SLC8A1: variants seen among roughly 807,000 people sequenced by gnomAD.
SLC8A1 encodes sodium/calcium exchanger 1.
In SLC8A1, 18 loss-of-function variants were observed where a neutral mutation model predicts 68.3. That is an observed-to-expected ratio of 0.26 (90% CI 0.18 to 0.39). The LOEUF is 0.39. SLC8A1 is among the 10% of genes least tolerant of loss of function. SLC8A1 has a pLI of 1.00. For synonymous variants in SLC8A1, 475 were observed against 415.5 expected (o/e 1.14, Z -1.74); for missense variants, 985 against 1,156.7 (o/e 0.85, Z 2.15).
intron 1 of SLC8A1, among the ~76,000 whole-genome samples, chr2:40,436,713 G>C (rs529983425): frequency 2.0e-5 from 3 of 152,160 alleles, no homozygotes; most frequent in African/African-American, 7.2e-5. Context: ...CTACACAAGG[G>C]AAAGAACACC....
Position 40,165,321 on chromosome 2 carries a change from C to A in SLC8A1, c.1931-337G>T, listed in dbSNP as rs530519490. 1.9e-4 allele frequency among the ~76,000 whole-genome samples: 29 copies of A among 152,290 alleles called. No individual in the cohort carries two copies. In the East Asian group the frequency reaches 5.4e-3, roughly 28 times the overall value. The stretch of plus-strand genomic sequence containing the variant: ...ACGCAGCTATTCCCTGTGACGCTGG[C>A]TCAGTTGGCTGTTTGTACACATTCT... On this transcript the variant is annotated intron_variant, in intron 4 of 7. Transcript: ENST00000406785.
chr2:40,251,780 C>A (rs2062793197), intron 2 of SLC8A1: 1 of 152,134 alleles, frequency 6.6e-6, no homozygotes. Flanking sequence ...GCACGGTAAG[C>A]CTCATATGAC....
intron 2 of SLC8A1, among the ~76,000 whole-genome samples, chr2:40,355,830 C>T (rs989916321): frequency 2.6e-5 from 4 of 152,196 alleles, no homozygotes; most frequent in Non-Finnish European, 5.9e-5. Flanking sequence ...TTTACAACAA[C>T]AGAAATCCTG....
intron 1 of SLC8A1, among the ~76,000 whole-genome samples, chr2:40,477,507 A>G (rs75660073): frequency 2.6e-5 from 4 of 152,186 alleles, no homozygotes; most frequent in Non-Finnish European, 5.9e-5. Flanking sequence ...CGAACCCTCA[A>G]CTTTTCAAGC....
intron 2 of SLC8A1, among the ~76,000 whole-genome samples, chr2:40,357,497 T>TTAAAA (rs533315846): frequency 8.7e-6 from 1 of 115,520 alleles, no homozygotes; most frequent in African/African-American, 3.3e-5. Context: ...ACCCTGTCTT[T>TTAAAA]AAAAAAAAAA....
intron 2 of SLC8A1, among the ~76,000 whole-genome samples, chr2:40,253,034 TGTATCA>T (rs146789503): frequency 0.35 from 34,153 of 97,482 alleles, 5,622 homozygotes; most frequent in Non-Finnish European, 0.5. Flanking sequence ...TATATACATA[TGTATCA>T]GTATATGTAT....
chr2:40,232,830 T>C (rs1237766841), intron 2 of SLC8A1, among the ~76,000 whole-genome samples: 1 of 138,488 alleles, frequency 7.2e-6, no homozygotes, highest in African/African-American at 2.7e-5. Flanking sequence ...TTCCCACCTA[T>C]GAGTGAGAAT....
At chr2:40,161,111 C>T (rs2045599583) in intron 5 of SLC8A1, among the ~76,000 whole-genome samples, 1 of 152,126 alleles carries the variant, frequency 6.6e-6, no homozygotes, top group South Asian at 2.1e-4. Context: ...TGAAGAATAG[C>T]CTCAGTGTTT....
intron 2 of SLC8A1, among the ~76,000 whole-genome samples, chr2:40,381,354 T>C (rs747758613): frequency 3.9e-5 from 6 of 152,070 alleles, no homozygotes; most frequent in Non-Finnish European, 7.4e-5. Flanking sequence ...CCTTATATAC[T>C]TCTCTTAAAG....
At chr2:40,460,063 T>C (rs1190132760) in intron 1 of SLC8A1, among the ~76,000 whole-genome samples, 1 of 152,228 alleles carries the variant, frequency 6.6e-6, no homozygotes, top group Non-Finnish European at 1.5e-5. Flanking sequence ...CTTGTATACT[T>C]CTTTTCACGT....
chr2:40,437,203 T>C (rs1434660741), intron 1 of SLC8A1, among the ~76,000 whole-genome samples: 1 of 152,124 alleles, frequency 6.6e-6, no homozygotes, highest in Non-Finnish European at 1.5e-5. Context: ...GGCAGACACA[T>C]TTTATTTTCA....
At chr2:40,227,842 G>A (rs925226878) in intron 2 of SLC8A1, among the ~76,000 whole-genome samples, 1 of 152,022 alleles carries the variant, frequency 6.6e-6, no homozygotes, top group Non-Finnish European at 1.5e-5. Context: ...CAACAAGTTA[G>A]TTGTGTTGTT....
chr2:40,281,606 T>A (rs958994278), intron 2 of SLC8A1, among the ~76,000 whole-genome samples: 3 of 152,144 alleles, frequency 2.0e-5, no homozygotes, highest in African/African-American at 7.2e-5. Context: ...CCTTGGCAAG[T>A]CTAATGGAGA....
At chr2:40,420,105 C>T (rs1014749815) in intron 2 of SLC8A1, among the ~76,000 whole-genome samples, 5 of 152,142 alleles carry the variant, frequency 3.3e-5, no homozygotes, top group African/African-American at 4.8e-5. Flanking sequence ...ATAAGAATGA[C>T]TTGGAATTGG....
chr2:40,162,817 G>C lies in SLC8A1; in HGVS notation c.2062-1953C>G, dbSNP rs115785281. 5.6e-3 allele frequency among the ~76,000 whole-genome samples: 855 copies of C among 152,242 alleles called. 7 individuals carry two copies. The highest frequency in any genetic ancestry group is 0.031 in the Middle Eastern group (9 of 294). ...ACCTCACCCTCAGCAATGGGTGTTA[G>C]TAAAACCAGGTCCTCAGTCACACCA... On this transcript the variant is annotated intron_variant, in intron 5 of 7. Transcript: ENST00000406785.
At chr2:40,235,027 C>T (rs576087471) in intron 2 of SLC8A1, among the ~76,000 whole-genome samples, 3 of 152,248 alleles carry the variant, frequency 2.0e-5, no homozygotes, top group African/African-American at 4.8e-5. Flanking sequence ...GATTTTTCAT[C>T]AATGTTCATC....
chr2:40,300,971 G>A (rs2071347578), intron 2 of SLC8A1, among the ~76,000 whole-genome samples: 1 of 152,092 alleles, frequency 6.6e-6, no homozygotes, highest in African/African-American at 2.4e-5. Context: ...TTTTTATGAG[G>A]ATAGGGATAT....
chr2:40,369,345 T>A (rs186999591), intron 2 of SLC8A1, among the ~76,000 whole-genome samples: 1 of 152,250 alleles, frequency 6.6e-6, no homozygotes, highest in East Asian at 1.9e-4. Flanking sequence ...CTAGTGTGTC[T>A]GCAACCTCAG....
chr2:40,289,297 T>C (rs2068874004), intron 2 of SLC8A1, among the ~76,000 whole-genome samples: 2 of 152,082 alleles, frequency 1.3e-5, no homozygotes, highest in African/African-American at 2.4e-5. Context: ...ATATTTCTGG[T>C]CTGGTTAGAA....
Sources: gnomAD v4.1 joint callset for allele counts (sites outside exome capture counted in the v4.1 genomes callset) on GRCh38, gnomAD v4.1.1 for gene constraint, MANE v1.5 for transcripts, NCBI Gene and HGNC (gene_info 2026-07-23, HGNC 2026-07-21) for gene names.